NME7: variants seen among roughly 807,000 people sequenced by gnomAD.
NME7 encodes the protein NME/NM23 family member 7.
NME7 carries 41 observed loss-of-function variants against 49.1 expected under a neutral mutation model. The ratio of observed to expected loss-of-function variants is 0.83; its 90% CI spans 0.65 to 1.08. The LOEUF is 1.08. NME7 is among the 50% of genes least tolerant of loss of function. NME7 has a pLI of 0.00. For missense variants in NME7, 423 were observed against 463.4 expected, an observed-to-expected ratio of 0.91 and a Z score of 0.80; for synonymous variants, 139 against 150.6, an observed-to-expected ratio of 0.92 and a Z score of 0.56.
chr1:169,177,447 C>A (rs1428942680), intron 10 of NME7, among the ~76,000 whole-genome samples: 1 of 152,056 alleles, frequency 6.6e-6, no homozygotes. Flanking sequence ...TTGAATCATA[C>A]CACTTTCCTG....
chr1:169,322,893 T>C (rs1227624590), intron 3 of NME7, among the ~76,000 whole-genome samples: 1 of 152,142 alleles, frequency 6.6e-6, no homozygotes. Context: ...GATGGAGATG[T>C]GCTAAGTGCC....
At chr1:169,342,573 A>AG (rs1652762878) in intron 1 of NME7, among the ~76,000 whole-genome samples, 2 of 106,064 alleles carry the variant, frequency 1.9e-5, no homozygotes, top group South Asian at 2.7e-4. Flanking sequence ...GTACATATAT[A>AG]TAGTATATAT....
intron 1 of NME7, among the ~76,000 whole-genome samples, chr1:169,333,707 A>G (rs1459625784): frequency 6.6e-6 from 1 of 152,188 alleles, no homozygotes; most frequent in African/African-American, 2.4e-5. Context: ...GAACCCAGGC[A>G]GCTTGACTCC....
In NME7 at chr1:169,367,790, C is replaced by G; in HGVS notation, c.-80G>C. The stretch of plus-strand genomic sequence containing the variant: ...CCACCACCACCATCATACGGTTACT[C>G]AGGCAACAAAGCCCCGCCCACTGTC... On this transcript the variant is annotated 5_prime_UTR_variant, in exon 1 of 12. Coordinates refer to ENST00000367811, the MANE Select transcript of NME7 (RefSeq NM_013330.5). 1 of 1,587,514 alleles carries G rather than the reference C, an allele frequency of 6.3e-7. No homozygotes were observed. The highest frequency in any genetic ancestry group is 8.6e-7 in the Non-Finnish European group (1 of 1,156,734).
intron 10 of NME7, among the ~76,000 whole-genome samples, chr1:169,176,486 A>G (rs1341748848): frequency 6.6e-6 from 1 of 152,198 alleles, no homozygotes; most frequent in Non-Finnish European, 1.5e-5. Flanking sequence ...CATTAGATAA[A>G]AAATAGCTGT....
intron 1 of NME7, among the ~76,000 whole-genome samples, chr1:169,359,238 A>C (rs1370821706): frequency 2.0e-5 from 3 of 152,042 alleles, no homozygotes; most frequent in Non-Finnish European, 4.4e-5. Flanking sequence ...AATACTTGTT[A>C]TAGTGCTTTG....
intron 10 of NME7, among the ~76,000 whole-genome samples, chr1:169,193,867 A>C (rs1660300388): frequency 6.6e-6 from 1 of 151,584 alleles, no homozygotes; most frequent in African/African-American, 2.4e-5. Flanking sequence ...TAAAATGTTA[A>C]GCTGAGATCT....
intron 10 of NME7, among the ~76,000 whole-genome samples, chr1:169,192,879 G>A (rs531654083): frequency 3.4e-4 from 52 of 152,074 alleles, no homozygotes; most frequent in African/African-American, 1.2e-3. Context: ...TAGAATGCAG[G>A]AAAACTCCTT....
chr1:169,140,795 A>AT (rs1658571111), intron 11 of NME7, among the ~76,000 whole-genome samples: 2 of 152,038 alleles, frequency 1.3e-5, no homozygotes, highest in African/African-American at 4.8e-5. Context: ...AAGATTGGTG[A>AT]TTTTCAACTT....
chr1:169,350,248 A>AGGAAGGAAGGAAGGAAGGAAGGAT, intron 1 of NME7, among the ~76,000 whole-genome samples: 1 of 146,504 alleles, frequency 6.8e-6, no homozygotes, highest in East Asian at 2.0e-4. Context: ...GAAAGAAAGA[A>AGGAAGGAAGGAAGGAAGGAAGGAT]GGAAGGAAGG....
At chr1:169,172,203 T>C (rs909604471) in intron 10 of NME7, among the ~76,000 whole-genome samples, 1 of 151,996 alleles carries the variant, frequency 6.6e-6, no homozygotes, top group Non-Finnish European at 1.5e-5. Context: ...CTGCACGTTT[T>C]AGAGTGTTGG....
At chr1:169,277,831 T>A (rs1418449665) in intron 7 of NME7, among the ~76,000 whole-genome samples, 2 of 137,120 alleles carry the variant, frequency 1.5e-5, no homozygotes, top group African/African-American at 5.3e-5. Context: ...GTACCAGTTG[T>A]TCCTTTCCAT....
At chr1:169,337,288 G>T (rs967385395) in intron 1 of NME7, among the ~76,000 whole-genome samples, 10 of 152,154 alleles carry the variant, frequency 6.6e-5, no homozygotes, top group Non-Finnish European at 1.0e-4. Flanking sequence ...ACTGCTGGGG[G>T]ACCCAGTACA....
At chr1:169,354,675 TA>T (rs1364024650) in intron 1 of NME7, among the ~76,000 whole-genome samples, 6 of 145,618 alleles carry the variant, frequency 4.1e-5, no homozygotes, top group Admixed American at 2.1e-4. Context: ...CTTATATATT[TA>T]TAAATATTAT....
chr1:169,137,435 G>T (rs1014649284), intron 11 of NME7, among the ~76,000 whole-genome samples: 1 of 152,224 alleles, frequency 6.6e-6, no homozygotes, highest in Non-Finnish European at 1.5e-5. Flanking sequence ...AATAAGCAAT[G>T]AACAGATCGA....
intron 4 of NME7, among the ~76,000 whole-genome samples, chr1:169,308,956 T>C (rs1651284082): frequency 6.6e-6 from 1 of 152,154 alleles, no homozygotes; most frequent in African/African-American, 2.4e-5. Flanking sequence ...GCATCATCTT[T>C]GGAAATCTCA....
intron 1 of NME7, among the ~76,000 whole-genome samples, chr1:169,366,237 C>A (rs1056392621): frequency 1.3e-5 from 2 of 152,104 alleles, no homozygotes; most frequent in African/African-American, 4.8e-5. Context: ...TCAGTTGTCA[C>A]AAAGAGACTA....
intron 10 of NME7, among the ~76,000 whole-genome samples, chr1:169,210,532 A>G (rs1660781230): frequency 1.3e-5 from 2 of 152,156 alleles, no homozygotes; most frequent in Admixed American, 1.3e-4. Context: ...TTTGTTGTTT[A>G]GATAGTCCTT....
chr1:169,285,108 C>T (rs538436290), intron 7 of NME7: 49 of 152,168 alleles, frequency 3.2e-4, no homozygotes, highest in African/African-American at 1.1e-3. Flanking sequence ...ATATTCCTTA[C>T]AGAAATGCTT....
Sources: gnomAD v4.1 joint callset for allele counts (sites outside exome capture counted in the v4.1 genomes callset) on GRCh38, gnomAD v4.1.1 for gene constraint, MANE v1.5 for transcripts, NCBI Gene and HGNC (gene_info 2026-07-23, HGNC 2026-07-21) for gene names.